Variants in TNS3 observed in about 807,000 individuals in gnomAD.
TNS3 encodes tensin 3, also known as tensin-3.
TNS3 carries 45 observed loss-of-function variants against 140.9 expected under a neutral mutation model. The observed-to-expected ratio is 0.32, with a 90% CI of 0.25 to 0.41. The LOEUF (loss-of-function observed/expected upper bound fraction) is 0.41. TNS3 is among the 10% of genes least tolerant of loss of function. The probability of loss-of-function intolerance (pLI) is 1.00; values close to 1 mark genes in which losing one functional copy is unlikely to be tolerated. For missense variants in TNS3, 1,716 were observed against 1,906.7 expected (o/e 0.90, Z 1.86); for synonymous variants, 815 against 788.4 (o/e 1.03, Z -0.56).
At chr7:47,309,174 A>G (rs1352308775) in intron 20 of TNS3, among the ~76,000 whole-genome samples, 8 of 152,178 alleles carry the variant, frequency 5.3e-5, no homozygotes, top group Non-Finnish European at 1.5e-5. Context: ...GGAAGCCATT[A>G]TTTCATATAG....
chr7:47,472,713 C>G (rs1303246895), intron 4 of TNS3, among the ~76,000 whole-genome samples: 1 of 152,190 alleles, frequency 6.6e-6, no homozygotes, highest in East Asian at 1.9e-4. Context: ...ACATCTTCAG[C>G]CTGTCCTACT....
intron 1 of TNS3, among the ~76,000 whole-genome samples, chr7:47,572,473 C>T (rs1254362020): frequency 6.6e-6 from 1 of 151,684 alleles, no homozygotes; most frequent in Non-Finnish European, 1.5e-5. Context: ...TTCCAGTTGT[C>T]GCAAAATCTC....
At chr7:47,580,663 T>C (rs564503660) in intron 1 of TNS3, among the ~76,000 whole-genome samples, 1 of 151,098 alleles carries the variant, frequency 6.6e-6, no homozygotes, top group African/African-American at 2.4e-5. Flanking sequence ...TTAATACTTG[T>C]TGATTGATTT....
At position 47,368,627 on chromosome 7, in the gene TNS3, C is replaced by G; in HGVS notation, c.2019G>C (p.Gln673His). Residue 673 changes from glutamine (Q) to histidine (H), a missense_variant, in exon 17 of 31, where the codon CAG becomes CAC. Physicochemically the swap from Gln to His is conservative, Grantham distance 24. Transcript: ENST00000311160. ...KAFKPRFPGDQVVNGAGPELS... is the reference protein window; with the variant it reads ...KAFKPRFPGDHVVNGAGPELS... Reference sequence around the variant, plus strand: ...GCTCTGGGCCGGCTCCATTCACAACCTGGTCTCCTGGAAACCTGGGTTTGA... The same window carrying G: ...GCTCTGGGCCGGCTCCATTCACAACGTGGTCTCCTGGAAACCTGGGTTTGA... The G allele has an allele frequency of 1.3e-6, 2 of 1,597,560 alleles. No individual in the cohort carries two copies. The highest frequency in any genetic ancestry group is 1.7e-6 in the Non-Finnish European group (2 of 1,172,186).
chr7:47,419,473 G>A (rs1484135619), intron 10 of TNS3, among the ~76,000 whole-genome samples: 1 of 152,212 alleles, frequency 6.6e-6, no homozygotes, highest in Non-Finnish European at 1.5e-5. Context: ...AGCTGCCCTT[G>A]GCTATTCCTG....
intron 2 of TNS3, among the ~76,000 whole-genome samples, chr7:47,527,030 A>C (rs1415196152): frequency 6.6e-6 from 1 of 151,808 alleles, no homozygotes; most frequent in East Asian, 1.9e-4. Flanking sequence ...CAGGAGATGG[A>C]GACCATCCTG....
At chr7:47,418,070 C>T (rs994873834) in intron 10 of TNS3, among the ~76,000 whole-genome samples, 1 of 152,190 alleles carries the variant, frequency 6.6e-6, no homozygotes, top group African/African-American at 2.4e-5. Flanking sequence ...GGGAGGATCA[C>T]CTGAGGTCAG....
chr7:47,523,715 T>C (rs1203572602), intron 2 of TNS3, among the ~76,000 whole-genome samples: 5 of 152,180 alleles, frequency 3.3e-5, no homozygotes, highest in Admixed American at 2.0e-4. Context: ...CTTCTCCTGA[T>C]AATGGACCTC....
intron 3 of TNS3, among the ~76,000 whole-genome samples, chr7:47,482,029 G>A (rs186197877): frequency 1.2e-3 from 178 of 152,332 alleles, no homozygotes; most frequent in African/African-American, 3.9e-3. Context: ...AGCCAGGCAG[G>A]CATTGCGCTG....
chr7:47,507,470 C>T (rs530902234), intron 2 of TNS3, among the ~76,000 whole-genome samples: 5 of 152,278 alleles, frequency 3.3e-5, no homozygotes, highest in African/African-American at 7.2e-5. Flanking sequence ...ATCTGGATTT[C>T]GGAAGTGCTT....
intron 17 of TNS3, among the ~76,000 whole-genome samples, chr7:47,355,521 G>A (rs1265779364): frequency 6.6e-6 from 1 of 152,126 alleles, no homozygotes; most frequent in East Asian, 1.9e-4. Context: ...AACACATGTG[G>A]GACTGAACTC....
intron 4 of TNS3, among the ~76,000 whole-genome samples, chr7:47,456,334 G>A (rs1049766407): frequency 2.6e-5 from 4 of 152,124 alleles, no homozygotes; most frequent in East Asian, 1.9e-4. Context: ...AAACACTGCC[G>A]ACCGAGCTTT....
At chr7:47,316,971 C>T (rs1191179019) in intron 20 of TNS3, among the ~76,000 whole-genome samples, 2 of 152,114 alleles carry the variant, frequency 1.3e-5, no homozygotes, top group African/African-American at 4.8e-5. Context: ...CAAAGTCCTA[C>T]AGATACAAAC....
At chr7:47,399,526 A>G (rs1264826371) in intron 15 of TNS3, among the ~76,000 whole-genome samples, 1 of 152,222 alleles carries the variant, frequency 6.6e-6, no homozygotes, top group Non-Finnish European at 1.5e-5. Context: ...ACAACTGACT[A>G]CAACTGATTG....
At chr7:47,324,619 G>T (rs1245184784) in intron 20 of TNS3, among the ~76,000 whole-genome samples, 1 of 152,122 alleles carries the variant, frequency 6.6e-6, no homozygotes, top group Non-Finnish European at 1.5e-5. Context: ...GTGTGTGGTG[G>T]TGCACATCTG....
At chr7:47,539,255 T>G (rs1456030249) in intron 1 of TNS3, 2 of 385,986 alleles carry the variant, frequency 5.2e-6, no homozygotes, top group African/African-American at 2.1e-5. Flanking sequence ...GGAAGGCAAA[T>G]GGTTGAAGGT....
At chr7:47,428,865 C>T (rs1218299806) in intron 8 of TNS3, among the ~76,000 whole-genome samples, 1 of 152,196 alleles carries the variant, frequency 6.6e-6, no homozygotes, top group Non-Finnish European at 1.5e-5. Flanking sequence ...CGCCGCAGCC[C>T]ACCCTCATTA....
At chr7:47,365,262 T>C (rs780175749) in intron 17 of TNS3, among the ~76,000 whole-genome samples, 11 of 151,776 alleles carry the variant, frequency 7.2e-5, no homozygotes, top group Non-Finnish European at 7.4e-5. Context: ...TTGGCCAATA[T>C]GGTGAAACCC....
At chr7:47,566,445 A>C (rs6978949) in intron 1 of TNS3, among the ~76,000 whole-genome samples, 150,683 of 152,354 alleles carry the variant, frequency 0.99, 74,538 homozygotes, top group East Asian at 1. Flanking sequence ...GGAATCAACA[A>C]AGTAAATACG....
Sources: allele counts gnomAD v4.1 joint callset (sites outside exome capture counted in the v4.1 genomes callset), GRCh38; gene constraint gnomAD v4.1.1; transcripts MANE v1.5; gene names NCBI Gene and HGNC (gene_info 2026-07-23, HGNC 2026-07-21).